ALK: variants seen among roughly 807,000 people sequenced by gnomAD.
ALK encodes ALK tyrosine kinase receptor.
A neutral mutation model predicts 163.1 loss-of-function variants in ALK; 74 were observed. The ratio of observed to expected loss-of-function variants is 0.45; its 90% CI spans 0.38 to 0.55. The LOEUF is 0.55. ALK is among the 20% of genes least tolerant of loss of function. The pLI is 0.00. For missense variants in ALK, 2,063 were observed against 2,105.3 expected, an observed-to-expected ratio of 0.98 and a Z score of 0.39; for synonymous variants, 960 against 843.2, an observed-to-expected ratio of 1.14 and a Z score of -2.40.
intron 1 of ALK, among the ~76,000 whole-genome samples, chr2:29,822,295 C>T (rs1558503723): frequency 6.6e-6 from 1 of 152,176 alleles, no homozygotes; most frequent in South Asian, 2.1e-4. Flanking sequence ...TTACCTAGCA[C>T]CTGCTGGCAG....
intron 3 of ALK, among the ~76,000 whole-genome samples, chr2:29,634,870 T>C (rs1194892736): frequency 6.6e-6 from 1 of 152,190 alleles, no homozygotes; most frequent in African/African-American, 2.4e-5. Flanking sequence ...TCAGAGGGCA[T>C]AGTTGTCTGT....
intron 2 of ALK, 141 bp from the exon 3 acceptor site, chr2:29,695,155 C>T (rs559343763): frequency 6.8e-6 from 6 of 884,748 alleles, no homozygotes; most frequent in Middle Eastern, 3.1e-4. Flanking sequence ...GTCAATACCA[C>T]AGGGCTCTGT....
intron 2 of ALK, among the ~76,000 whole-genome samples, chr2:29,716,285 G>C (rs1679251722): frequency 6.6e-6 from 1 of 152,206 alleles, no homozygotes; most frequent in Non-Finnish European, 1.5e-5. Context: ...TGGTGCAAAA[G>C]TAACTGTGGT....
intron 3 of ALK, among the ~76,000 whole-genome samples, chr2:29,590,832 G>A (rs1358644325): frequency 6.6e-6 from 1 of 151,860 alleles, no homozygotes; most frequent in African/African-American, 2.4e-5. Flanking sequence ...AGCACTTTGG[G>A]AGGCCGAGAC....
chr2:29,506,582 T>C (rs765587552), intron 4 of ALK, among the ~76,000 whole-genome samples: 5 of 151,960 alleles, frequency 3.3e-5, no homozygotes, highest in Admixed American at 6.6e-5. Flanking sequence ...CCATCTTTAC[T>C]AAAAATACAA....
At chr2:29,911,705 C>T (rs936960843) in intron 1 of ALK, among the ~76,000 whole-genome samples, 1 of 152,156 alleles carries the variant, frequency 6.6e-6, no homozygotes, top group Non-Finnish European at 1.5e-5. Flanking sequence ...CCACACCCAA[C>T]TCAGACCAAA....
chr2:29,871,886 T>C (rs1666586540), intron 1 of ALK, among the ~76,000 whole-genome samples: 1 of 152,198 alleles, frequency 6.6e-6, no homozygotes, highest in Non-Finnish European at 1.5e-5. Context: ...GGCAATTATA[T>C]TACCTGCCCG....
chr2:29,915,705 A>C (rs1667817187), intron 1 of ALK, among the ~76,000 whole-genome samples: 1 of 152,186 alleles, frequency 6.6e-6, no homozygotes, highest in African/African-American at 2.4e-5. Flanking sequence ...GTAGGAGTCC[A>C]CCAAATCTAG....
intron 3 of ALK, among the ~76,000 whole-genome samples, chr2:29,565,912 C>T (rs1337433205): frequency 1.3e-5 from 2 of 152,134 alleles, no homozygotes; most frequent in East Asian, 3.9e-4. Context: ...AAGAGAAACC[C>T]TATGGGCAGG....
chr2:29,288,231 G>A (rs1665911221), intron 9 of ALK, among the ~76,000 whole-genome samples: 1 of 152,204 alleles, frequency 6.6e-6, no homozygotes, highest in Non-Finnish European at 1.5e-5. Context: ...TCGGGATGCA[G>A]ATGCAGCTCT....
intron 4 of ALK, among the ~76,000 whole-genome samples, chr2:29,531,161 T>C (rs1018302310): frequency 6.6e-6 from 1 of 152,236 alleles, no homozygotes; most frequent in African/African-American, 2.4e-5. Context: ...CTTTTTCTCC[T>C]GTAAACAAGT....
In ALK at chr2:29,694,955, G is replaced by A. The variant is rs1386680783; in HGVS notation, c.847C>T (p.Leu283Phe). The A allele has an allele frequency of 6.2e-7, 1 of 1,614,118 alleles. No homozygotes were observed. The highest frequency in any genetic ancestry group is 1.1e-5 in the South Asian group (1 of 91,086). Residue 283 changes from leucine to phenylalanine, a missense_variant, in exon 3 of 29, where the codon CTC (leucine) becomes TTC (phenylalanine). Physicochemically the swap from Leu to Phe is conservative, Grantham distance 22. Transcript: ENST00000389048. ...CGCCAGGACCAGCTCTGGTTCCTGA[G>A]GTCATGCAGTGGAGGGGAATACTCC... ...ELEYSPPLHD[L>F]RNQSWSWRRI...
chr2:29,333,582 G>A (rs902445160), intron 5 of ALK, among the ~76,000 whole-genome samples: 7 of 152,134 alleles, frequency 4.6e-5, no homozygotes, highest in Non-Finnish European at 8.8e-5. Flanking sequence ...AGTATTTTAT[G>A]TATATTTTCA....
chr2:29,804,612 T>C (rs980467416), intron 1 of ALK, among the ~76,000 whole-genome samples: 6 of 152,234 alleles, frequency 3.9e-5, no homozygotes, highest in African/African-American at 1.4e-4. Context: ...TCTACCTCCA[T>C]TGCCTTCCAT....
chr2:29,225,369 A>C, intron 19 of ALK, 92 bp downstream of exon 19: 1 of 1,177,728 alleles, frequency 8.5e-7, no homozygotes, highest in Non-Finnish European at 1.2e-6. Flanking sequence ...AGCATAACGA[A>C]GTGACACCTT....
intron 4 of ALK, among the ~76,000 whole-genome samples, chr2:29,501,445 T>G (rs745918446): frequency 6.6e-6 from 1 of 152,230 alleles, no homozygotes; most frequent in South Asian, 2.1e-4. Flanking sequence ...TTCATTTCCA[T>G]GTCCTTACTG....
intron 4 of ALK, among the ~76,000 whole-genome samples, chr2:29,504,269 GAGA>G (rs1347376237): frequency 6.6e-6 from 1 of 152,152 alleles, no homozygotes; most frequent in Non-Finnish European, 1.5e-5. Context: ...CGCTGTGTGA[GAGA>G]AGGTCAGAGA....
chr2:29,895,860 T>C (rs963086772), intron 1 of ALK, among the ~76,000 whole-genome samples: 1 of 152,168 alleles, frequency 6.6e-6, no homozygotes, highest in Non-Finnish European at 1.5e-5. Context: ...TGTCCAGTAT[T>C]CTCAGTGGCT....
intron 1 of ALK, among the ~76,000 whole-genome samples, chr2:29,779,251 G>A (rs1185361586): frequency 6.6e-6 from 1 of 152,166 alleles, no homozygotes; most frequent in Non-Finnish European, 1.5e-5. Context: ...TTTGCTCCTG[G>A]TGTATCAGAC....
Sources: gnomAD v4.1 joint callset for allele counts (sites outside exome capture counted in the v4.1 genomes callset) on GRCh38, gnomAD v4.1.1 for gene constraint, MANE v1.5 for transcripts, NCBI Gene and HGNC (gene_info 2026-07-23, HGNC 2026-07-21) for gene names.